RBM6: variants seen among roughly 807,000 people sequenced by gnomAD.
RBM6 encodes RNA-binding protein 6.
In RBM6, 23 loss-of-function variants were observed where a neutral mutation model predicts 140.4. That is an observed-to-expected ratio of 0.16 (90% CI 0.12 to 0.23). RBM6 has a LOEUF of 0.23. Ranked by LOEUF, RBM6 falls within the 10% of genes least tolerant of loss-of-function variation. The probability of loss-of-function intolerance (pLI) is 1.00; values close to 1 mark genes in which losing one functional copy is unlikely to be tolerated. For synonymous variants in RBM6, 439 were observed against 475.6 expected (o/e 0.92, Z 1.00); for missense variants, 1,139 against 1,386.7 (o/e 0.82, Z 2.84).
chr3:50,043,881 C>CT (rs35383235), intron 6 of RBM6, among the ~76,000 whole-genome samples: 1,932 of 134,222 alleles, frequency 0.014, 27 homozygotes, highest in African/African-American at 0.033. Context: ...CGTGCCCAGC[C>CT]TTTTTTTTTT....
At position 49,990,925 on chromosome 3, in the gene RBM6, G is replaced by T. The variant is rs552347360; in HGVS notation, c.1484-8515G>T. On this transcript the variant is annotated intron_variant, in intron 5 of 20. Coordinates refer to ENST00000266022, the MANE Select transcript of RBM6 (RefSeq NM_005777.3). ...CTTGATACCAGGTAATTCTGATACCGACTACCAGAAGTTAGCTTCAGACTC... is the reference window on the plus strand; with the variant it reads ...CTTGATACCAGGTAATTCTGATACCTACTACCAGAAGTTAGCTTCAGACTC... 5.9e-5 allele frequency among the ~76,000 whole-genome samples: 9 copies of T among 152,176 alleles called. No homozygotes were observed. In the South Asian group the frequency reaches 1.9e-3, roughly 32 times the overall value.
intron 6 of RBM6, among the ~76,000 whole-genome samples, chr3:50,023,755 T>C (rs1284115004): frequency 1.3e-5 from 2 of 151,286 alleles, no homozygotes; most frequent in African/African-American, 4.9e-5. Context: ...TTCAAGTGAT[T>C]CTCGTGCCTC....
chr3:49,986,161 AT>A (rs1277418533), intron 5 of RBM6, among the ~76,000 whole-genome samples: 197 of 138,180 alleles, frequency 1.4e-3, no homozygotes, highest in Non-Finnish European at 1.3e-3. Flanking sequence ...TAATTTTTGT[AT>A]TTTTTTTTTT....
At chr3:50,030,946 G>T (rs1026490067) in intron 6 of RBM6, among the ~76,000 whole-genome samples, 2 of 152,098 alleles carry the variant, frequency 1.3e-5, no homozygotes, top group African/African-American at 2.4e-5. Flanking sequence ...GGTGGGAATG[G>T]TAAAGGGGTA....
At chr3:50,034,090 C>CT (rs68118556) in intron 6 of RBM6, among the ~76,000 whole-genome samples, 9,814 of 116,150 alleles carry the variant, frequency 0.084, 569 homozygotes, top group Non-Finnish European at 0.13. Context: ...TCTATACTTC[C>CT]TTTTTTTTTT....
At chr3:49,958,352 G>A (rs960921972) in intron 1 of RBM6, among the ~76,000 whole-genome samples, 3 of 152,002 alleles carry the variant, frequency 2.0e-5, no homozygotes, top group African/African-American at 7.2e-5. Flanking sequence ...TCAGGAGATC[G>A]AGACCATCCT....
chr3:49,981,561 A>G (rs1559549555), intron 5 of RBM6: 1 of 152,224 alleles, frequency 6.6e-6, no homozygotes, highest in Non-Finnish European at 1.5e-5. Flanking sequence ...GTAAGTAGAC[A>G]AAGCTAATGC....
chr3:49,955,768 G>C (rs1398527268), intron 1 of RBM6, among the ~76,000 whole-genome samples: 3 of 151,768 alleles, frequency 2.0e-5, no homozygotes, highest in Non-Finnish European at 4.4e-5. Flanking sequence ...TCTTGAACTT[G>C]AGAGGCGGTG....
In RBM6 at chr3:49,988,743, G is replaced by T. The variant is rs147337225; in HGVS notation, c.1484-10697G>T. 2.7e-3 allele frequency among the ~76,000 whole-genome samples: 405 copies of T among 152,236 alleles called. 1 individual carries two copies. The highest frequency in any genetic ancestry group is 9.2e-3 in the African/African-American group (383 of 41,548). The stretch of plus-strand genomic sequence containing the variant: ...CCTATATGCTGGGAGGCTGAGGCAG[G>T]TGGATTTTCTGAGCTCAGGAGTTCA... On this transcript the variant is annotated intron_variant, in intron 5 of 20. Coordinates refer to ENST00000266022, the MANE Select transcript of RBM6 (RefSeq NM_005777.3).
At chr3:49,981,863 TATA>T (rs1278932795) in intron 5 of RBM6, among the ~76,000 whole-genome samples, 1 of 152,230 alleles carries the variant, frequency 6.6e-6, no homozygotes. Flanking sequence ...CTACGTAGTA[TATA>T]AGCTTGCTGT....
intron 6 of RBM6, among the ~76,000 whole-genome samples, chr3:50,035,408 T>C (rs1268463470): frequency 4.0e-5 from 6 of 151,826 alleles, no homozygotes; most frequent in Non-Finnish European, 7.4e-5. Context: ...CAGGACAGGG[T>C]GCGGTGGCTC....
intron 8 of RBM6, 136 bp from the exon 9 acceptor site, chr3:50,057,587 CAAAAA>C (rs4030422): frequency 9.4e-4 from 205 of 218,862 alleles, no homozygotes; most frequent in Middle Eastern, 1.7e-3. Context: ...AACTCCGTCT[CAAAAA>C]AAAAAAAAAA....
chr3:50,054,256 T>TG, intron 7 of RBM6, 79 bp from the exon 8 acceptor site: 3 of 1,159,928 alleles, frequency 2.6e-6, no homozygotes, highest in Non-Finnish European at 2.6e-6. Context: ...CTTTCATTTT[T>TG]GGGGGGTTTC....
Position 49,967,154 on chromosome 3 carries a change from A to G in RBM6, c.45-316A>G. The G allele has an allele frequency of 1.0e-6, 1 of 999,092 alleles. No individual in the cohort carries two copies. Among genetic ancestry groups the G allele is most frequent in the South Asian group, 4.1e-5 (1 of 24,384 alleles). 61.9% of individuals were successfully genotyped at this position (999,092 alleles called of 1,614,324 possible). A position where few individuals can be genotyped will look rare whatever the true frequency, so the allele number is the denominator to read the frequency against. On this transcript the variant is annotated intron_variant, in intron 2 of 20. Coordinates refer to ENST00000266022, the MANE Select transcript of RBM6 (RefSeq NM_005777.3). This position sits in a 1 kb window ranked among gnomAD's most constrained non-coding sequence, Gnocchi z 4.0. Reference sequence around the variant, plus strand: ...GAAATGGAAATTTTTGTAGTATGTCACCATTGTTAGCTTATTTGGTATTGC... The same window carrying G: ...GAAATGGAAATTTTTGTAGTATGTCGCCATTGTTAGCTTATTTGGTATTGC...
chr3:50,069,565 A>G (rs1307663917), intron 18 of RBM6, among the ~76,000 whole-genome samples: 5 of 150,898 alleles, frequency 3.3e-5, no homozygotes, highest in South Asian at 4.2e-4. Context: ...TGGCACATGC[A>G]TGTAATCCCA....
At chr3:50,058,140 T>C in intron 9 of RBM6, 137 bp downstream of exon 9, 1 of 1,152,314 alleles carries the variant, frequency 8.7e-7, no homozygotes, top group East Asian at 2.5e-5. Context: ...AGGCCATTGC[T>C]GTCTGTGGAC....
At chr3:50,074,425 G>A (rs541597487) in intron 19 of RBM6, among the ~76,000 whole-genome samples, 22 of 151,928 alleles carry the variant, frequency 1.4e-4, no homozygotes, top group South Asian at 6.2e-4. Context: ...GGGTTCAAGC[G>A]ATTCTCCTGC....
intron 1 of RBM6, among the ~76,000 whole-genome samples, chr3:49,953,811 C>T (rs867312508): frequency 8.5e-5 from 13 of 152,178 alleles, no homozygotes; most frequent in East Asian, 7.8e-4. Flanking sequence ...TGAGCCACCA[C>T]GCCTAGCTGG....
At chr3:49,983,052 T>C (rs530693662) in intron 5 of RBM6, among the ~76,000 whole-genome samples, 2 of 151,980 alleles carry the variant, frequency 1.3e-5, no homozygotes, top group Non-Finnish European at 2.9e-5. Flanking sequence ...ACGCTGTTGC[T>C]CAGGCTGGTC....
Sources: allele counts gnomAD v4.1 joint callset (sites outside exome capture counted in the v4.1 genomes callset), GRCh38; gene constraint gnomAD v4.1.1; non-coding constraint Gnocchi (gnomAD v3.1); transcripts MANE v1.5; gene names NCBI Gene and HGNC (gene_info 2026-07-23, HGNC 2026-07-21).